Variants in CIZ1 observed in about 807,000 individuals in gnomAD.
CIZ1 encodes the protein cip1-interacting zinc finger protein.
In CIZ1, 58 loss-of-function variants were observed where a neutral mutation model predicts 118.6. That is an observed-to-expected ratio of 0.49 (90% CI 0.40 to 0.61). The LOEUF (loss-of-function observed/expected upper bound fraction) is 0.61. Ranked by LOEUF, CIZ1 falls within the 20% of genes least tolerant of loss-of-function variation. CIZ1 has a pLI of 0.00. For missense variants in CIZ1, 921 were observed against 1,115.9 expected (o/e 0.83, Z 2.49); for synonymous variants, 448 against 443.4 (o/e 1.01, Z -0.13).
At position 128,169,509 on chromosome 9, in the gene CIZ1, T is replaced by C. The variant is rs1829864789; in HGVS notation, c.2042A>G (p.Gln681Arg). The C allele has an allele frequency of 6.2e-7, 1 of 1,614,044 alleles. No individual in the cohort carries two copies. The highest frequency in any genetic ancestry group is 1.7e-5 in the Admixed American group (1 of 59,992). Reference sequence around the variant, plus strand: ...AACGGTGCAGAAGGGTCGCAAGGATTGTTTGGCAATCTGGAAAAAGGCAGG... The same window carrying C: ...AACGGTGCAGAAGGGTCGCAAGGATCGTTTGGCAATCTGGAAAAAGGCAGG... Reference protein sequence around the residue: ...RRTQDHKIAKQSLRPFCTVCN... With the variant: ...RRTQDHKIAKRSLRPFCTVCN... Residue 681 changes from glutamine (Q) to arginine (R), a missense_variant, in exon 13 of 17, where the codon CAA becomes CGA. By Grantham distance (43) the Gln-to-Arg change is conservative. Transcript: ENST00000372938.
Position 128,203,911 on chromosome 9 carries a change from G to C in CIZ1, c.-6+275C>G, listed in dbSNP as rs1833677985. Among the ~76,000 whole-genome samples, 2 of 152,172 alleles carry C rather than the reference G, an allele frequency of 1.3e-5. No homozygotes were observed. The highest frequency in any genetic ancestry group is 4.1e-4 in the South Asian group (2 of 4,834). On this transcript the variant is annotated intron_variant, in intron 1 of 17. Transcript: ENST00000372948. The surrounding 1 kb of genome is among the most constrained non-coding windows in gnomAD (Gnocchi z 5.3). ...CTTTAGGGCAGACAACGCTCTGCCA[G>C]AAGCCCCGGGCAAAGAGCTGCCCCC...
Position 128,179,646 on chromosome 9 carries a change from TTTTG to T in CIZ1, c.792-235_792-232del, listed in dbSNP as rs1481929873. Among the ~76,000 whole-genome samples, 6 of 148,480 alleles carry T rather than the reference TTTTG, an allele frequency of 4.0e-5. No homozygotes were observed. The East Asian group carries it at 1.0e-3, about 25-fold the overall frequency. ...CCGCGCCCAGCCCAAGACTGTTTCT[TTTTG>T]TTTGTTTTTGGTTTTTTGTTGTTGT... On this transcript the variant is annotated intron_variant, in intron 7 of 16. Transcript: ENST00000372938.
chr9:128,192,359 G>T (rs1198789241), upstream of CIZ1, among the ~76,000 whole-genome samples: 1 of 107,332 alleles, frequency 9.3e-6, no homozygotes, highest in Non-Finnish European at 1.9e-5. Flanking sequence ...GACAGAGCAA[G>T]AGCTGTCAAA....
intron 5 of CIZ1, 139 bp from the exon 6 acceptor site, chr9:128,180,953 G>A (rs1424864884): frequency 1.2e-5 from 8 of 659,250 alleles, no homozygotes; most frequent in African/African-American, 1.8e-5. Flanking sequence ...CAGAGTTGCC[G>A]AGTGGATGAT....
At chr9:128,171,307 T>G (rs1231181845) in intron 11 of CIZ1, among the ~76,000 whole-genome samples, 1 of 150,996 alleles carries the variant, frequency 6.6e-6, no homozygotes, top group East Asian at 2.0e-4. Flanking sequence ...TGTGCACCTA[T>G]AGTCCTAGTT....
intron 11 of CIZ1, among the ~76,000 whole-genome samples, chr9:128,174,747 C>G (rs1325314425): frequency 1.3e-5 from 2 of 151,024 alleles, no homozygotes; most frequent in Non-Finnish European, 2.9e-5. Context: ...GCAACCTCCG[C>G]CCCCAGGTTC....
chr9:128,180,858 T>G lies in CIZ1; in HGVS notation c.589-44A>C. 2.1e-6 allele frequency: 3 copies of G among 1,400,714 alleles called. No individual in the cohort carries two copies. The South Asian group carries it at 3.5e-5, about 16-fold the overall frequency. The allele number at this position is 1,400,714 out of a possible 1,614,324, so 86.8% of individuals were successfully genotyped here. On this transcript the variant is annotated intron_variant, in intron 5 of 16. Transcript: ENST00000372938. ...TATGTTGACATCCAATACCCACCCC[T>G]ATCAATACCCCCTTGCCCAAGGGCA...
chr9:128,188,965 A>AT (rs1832791997), intron 3 of CIZ1, among the ~76,000 whole-genome samples: 2 of 151,936 alleles, frequency 1.3e-5, no homozygotes, highest in Admixed American at 6.6e-5. Flanking sequence ...CACCTAGCTA[A>AT]TTTTTGTATT....
chr9:128,196,826 C>A (rs1228152748), intron 1 of CIZ1: 1 of 152,032 alleles, frequency 6.6e-6, no homozygotes, highest in Admixed American at 6.6e-5. Flanking sequence ...ATGGTCTCGA[C>A]CTCTTGACCT....
Position 128,177,561 on chromosome 9 carries a change from A to G in CIZ1, c.1818+5T>C. The G allele has an allele frequency of 6.9e-7, 1 of 1,448,318 alleles. No individual in the cohort carries two copies. 89.7% of individuals were successfully genotyped at this position (1,448,318 alleles called of 1,614,324 possible). ...CCTCCCCACCCTTATCTCCTGTATC[A>G]GTACCTGCTGGCTGGAGCAGCTGGC... On this transcript the variant is annotated splice_donor_5th_base_variant and intron_variant, in intron 10 of 16. Coordinates refer to ENST00000372938, the MANE Select transcript of CIZ1 (RefSeq NM_001131016.2).
intron 11 of CIZ1, among the ~76,000 whole-genome samples, chr9:128,173,806 A>C (rs935072498): frequency 6.6e-6 from 1 of 151,958 alleles, no homozygotes; most frequent in African/African-American, 2.4e-5. Flanking sequence ...GGAGATCAAG[A>C]CCATCCTGGC....
At chr9:128,191,998 G>A (rs1833207882), upstream of CIZ1, 1 of 1,183,262 alleles carries the variant, frequency 8.5e-7, no homozygotes, top group African/African-American at 1.6e-5. This position sits in a 1 kb window ranked among gnomAD's most constrained non-coding sequence, Gnocchi z 5.5. Flanking sequence ...TCCGTCAGGA[G>A]TTTGCCCACG....
intron 10 of CIZ1, among the ~76,000 whole-genome samples, chr9:128,177,220 C>G (rs760143843): frequency 2.0e-5 from 3 of 152,146 alleles, no homozygotes; most frequent in Non-Finnish European, 2.9e-5. Flanking sequence ...CAAGAGGAAA[C>G]AGGCACAGGG....
At chr9:128,182,129 A>G (rs1391222742) in intron 5 of CIZ1, among the ~76,000 whole-genome samples, 1 of 152,078 alleles carries the variant, frequency 6.6e-6, no homozygotes, top group Non-Finnish European at 1.5e-5. Context: ...CTTACCTATC[A>G]TTGGAGGTGA....
chr9:128,166,423 C>A lies in CIZ1; in HGVS notation c.2488-17G>T. On this transcript the variant is annotated splice_polypyrimidine_tract_variant and intron_variant, in intron 16 of 16. Coordinates refer to ENST00000372938, the MANE Select transcript of CIZ1 (RefSeq NM_001131016.2). This position sits in a 1 kb window ranked among gnomAD's most constrained non-coding sequence, Gnocchi z 4.4. ...CTTGTATTTCTGGATACAGAAGGTG[C>A]AGGTAAGGTCAGGGTCTCCTCCCTA... The A allele has an allele frequency of 6.7e-7, 1 of 1,499,660 alleles. No individual in the cohort carries two copies. Among genetic ancestry groups the A allele is most frequent in the Non-Finnish European group, 9.0e-7 (1 of 1,114,712 alleles). 92.9% of individuals were successfully genotyped at this position (1,499,660 alleles called of 1,614,324 possible). A position where few individuals can be genotyped will look rare whatever the true frequency, so the allele number is the denominator to read the frequency against.
chr9:128,173,756 C>T (rs560615278), intron 11 of CIZ1, among the ~76,000 whole-genome samples: 2 of 152,178 alleles, frequency 1.3e-5, no homozygotes, highest in East Asian at 3.9e-4. Flanking sequence ...CCTGTAATCC[C>T]AGCACTTTGG....
upstream of CIZ1, chr9:128,191,635 T>G: frequency 8.2e-7 from 1 of 1,225,074 alleles, no homozygotes; most frequent in Non-Finnish European, 1.0e-6. This position sits in a 1 kb window ranked among gnomAD's most constrained non-coding sequence, Gnocchi z 5.5. Flanking sequence ...TCCAGGCGCC[T>G]CCGGCCGCGC....
At position 128,187,911 on chromosome 9, in the gene CIZ1, G is replaced by C. The variant is rs764844223; in HGVS notation, c.310C>G (p.Pro104Ala). 1 of 757,984 alleles carries C rather than the reference G, an allele frequency of 1.3e-6. No homozygotes were observed. The highest frequency in any genetic ancestry group is 2.5e-6 in the Non-Finnish European group (1 of 406,034). The allele number at this position is 757,984 out of a possible 1,614,324, so 47.0% of individuals were successfully genotyped here. The change falls in exon 4 of 17, where the codon CCA becomes GCA. Residue 104 changes from proline to alanine, a missense_variant. Transcript: ENST00000372938. Reference protein sequence around the residue: ...LQGLDQFAMPPATYDTAGLTM... With the variant: ...LQGLDQFAMPAATYDTAGLTM... ...AGACCGGCAGTGTCATACGTGGCTGGTGGCATTGCAAACTGGTCCAGTCCT... is the reference window on the plus strand; with the variant it reads ...AGACCGGCAGTGTCATACGTGGCTGCTGGCATTGCAAACTGGTCCAGTCCT...
intron 1 of CIZ1, among the ~76,000 whole-genome samples, chr9:128,198,698 G>T (rs975938167): frequency 1.3e-5 from 2 of 152,102 alleles, no homozygotes; most frequent in South Asian, 2.1e-4. Flanking sequence ...CAGGTGTGGT[G>T]GTGAGTGCCT....
Sources: allele counts gnomAD v4.1 joint callset (sites outside exome capture counted in the v4.1 genomes callset), GRCh38; gene constraint gnomAD v4.1.1; non-coding constraint Gnocchi (gnomAD v3.1); transcripts MANE v1.5; gene names NCBI Gene and HGNC (gene_info 2026-07-23, HGNC 2026-07-21).